TACC1: variants seen among roughly 807,000 people sequenced by gnomAD.
TACC1 encodes the protein transforming acidic coiled-coil containing protein 1.
TACC1 carries 48 observed loss-of-function variants against 84.4 expected under a neutral mutation model. The ratio of observed to expected loss-of-function variants is 0.57; its 90% CI spans 0.45 to 0.72. The LOEUF (loss-of-function observed/expected upper bound fraction) is 0.72. Among genes scored for constraint, TACC1 ranks in the 30% least tolerant of loss-of-function variants. The pLI, the probability that TACC1 is intolerant of heterozygous loss-of-function variation, is 0.00. For missense variants in TACC1, 920 were observed against 973.0 expected, an observed-to-expected ratio of 0.95 and a Z score of 0.72; for synonymous variants, 372 against 376.3, an observed-to-expected ratio of 0.99 and a Z score of 0.13.
At chr8:38,751,955 A>AT (rs35375409) in intron 3 of TACC1, among the ~76,000 whole-genome samples, 16 of 152,056 alleles carry the variant, frequency 1.1e-4, no homozygotes, top group African/African-American at 3.9e-4. Context: ...ACCCACTGTT[A>AT]TTTTTTTCCT....
At chr8:38,802,997 T>C (rs1456457052) in intron 2 of TACC1, among the ~76,000 whole-genome samples, 1 of 152,226 alleles carries the variant, frequency 6.6e-6, no homozygotes, top group East Asian at 1.9e-4. Flanking sequence ...CAACATCTTA[T>C]ATTTCTTTTG....
At chr8:38,798,420 G>A (rs1820496950) in intron 2 of TACC1, among the ~76,000 whole-genome samples, 1 of 152,110 alleles carries the variant, frequency 6.6e-6, no homozygotes, top group Non-Finnish European at 1.5e-5. Flanking sequence ...AGAGTCTTAG[G>A]TTTTAGGGGG....
intron 1 of TACC1, among the ~76,000 whole-genome samples, chr8:38,735,080 A>G (rs1231317884): frequency 6.6e-6 from 1 of 152,228 alleles, no homozygotes; most frequent in Admixed American, 6.5e-5. Context: ...GAATAGATGC[A>G]TCTTAGTTCA....
chr8:38,757,918 A>C (rs1810433742), intron 3 of TACC1, among the ~76,000 whole-genome samples: 1 of 152,178 alleles, frequency 6.6e-6, no homozygotes, highest in South Asian at 2.1e-4. Flanking sequence ...AAAAAAGGGC[A>C]GTATTGTAGC....
intron 2 of TACC1, chr8:38,805,674 CTTGGTTGGTTGGTTGG>C (rs796102893): frequency 6.6e-6 from 1 of 152,092 alleles, no homozygotes; most frequent in South Asian, 2.1e-4. Flanking sequence ...TGGTTGGTTG[CTTGGTTGGTTGGTTGG>C]TTGGTTGGTG....
chr8:38,744,064 T>A (rs76420667), intron 2 of TACC1: 1 of 152,042 alleles, frequency 6.6e-6, no homozygotes, highest in African/African-American at 2.4e-5. Context: ...TTGTCCACAG[T>A]CAGTTACAGA....
chr8:38,787,986 C>G, intron 1 of TACC1: 1 of 506,532 alleles, frequency 2.0e-6, no homozygotes, highest in South Asian at 2.8e-5. Flanking sequence ...GCAGTCTCTC[C>G]GCATCCCCGC....
chr8:38,739,802 G>A (rs57947571), intron 1 of TACC1, among the ~76,000 whole-genome samples: 14,027 of 152,230 alleles, frequency 0.092, 755 homozygotes, highest in Middle Eastern at 0.13. Context: ...ACACCTAGGG[G>A]AGGAGAAGGA....
At chr8:38,811,051 G>A (rs888876732) in intron 2 of TACC1, among the ~76,000 whole-genome samples, 2 of 152,114 alleles carry the variant, frequency 1.3e-5, no homozygotes, top group East Asian at 1.9e-4. Flanking sequence ...CCAGGAGGTC[G>A]AGATTGGAGT....
intron 3 of TACC1, among the ~76,000 whole-genome samples, chr8:38,755,479 G>T (rs1047198575): frequency 2.6e-5 from 4 of 152,012 alleles, no homozygotes; most frequent in African/African-American, 9.7e-5. Context: ...AAAGCAGGAG[G>T]ATCACTTGAG....
intron 11 of TACC1, chr8:38,846,439 T>TA (rs201097284): frequency 0.044 from 10,997 of 247,856 alleles, 201 homozygotes; most frequent in African/African-American, 0.11. Context: ...TGTACTGGTC[T>TA]AAAAAAAAAA....
Position 38,840,534 on chromosome 8 carries a change from C to T in TACC1, c.1960+267C>T, listed in dbSNP as rs941825140. 2.1e-4 allele frequency: 61 copies of T among 286,930 alleles called. 2 individuals are homozygous for T. Among genetic ancestry groups the T allele is most frequent in the Non-Finnish European group, 3.3e-5 (5 of 152,008 alleles). 17.8% of individuals were successfully genotyped at this position (286,930 alleles called of 1,614,324 possible). On this transcript the variant is annotated intron_variant, in intron 9 of 12. Coordinates refer to ENST00000317827, the MANE Select transcript of TACC1 (RefSeq NM_006283.3). ...TCACCTCCCAAATTCCCTTCCATGC[C>T]CACTTTCACCCTGAACATACTCACA...
intron 3 of TACC1, among the ~76,000 whole-genome samples, chr8:38,752,032 A>T (rs990148358): frequency 6.6e-6 from 1 of 152,164 alleles, no homozygotes; most frequent in Admixed American, 6.5e-5. Flanking sequence ...TATCCAACAA[A>T]TGTTAGTGCC....
intron 1 of TACC1, among the ~76,000 whole-genome samples, chr8:38,741,940 C>T (rs1409372305): frequency 6.6e-6 from 1 of 151,986 alleles, no homozygotes; most frequent in Non-Finnish European, 1.5e-5. Context: ...GTCCCTGGAC[C>T]ATTATATACA....
chr8:38,832,188 C>T (rs535702386), intron 6 of TACC1, among the ~76,000 whole-genome samples: 4 of 152,358 alleles, frequency 2.6e-5, no homozygotes, highest in African/African-American at 9.6e-5. Context: ...TCTGCCTTAT[C>T]AAAGTGGTTG....
At chr8:38,757,209 G>C in intron 3 of TACC1, 1 of 262,220 alleles carries the variant, frequency 3.8e-6, no homozygotes, top group Non-Finnish European at 7.5e-6. Context: ...ACGGCCGGGC[G>C]CCCCACCCCG....
In TACC1 at chr8:38,769,796, GTA is replaced by G. The variant is rs142286075; in HGVS notation, c.27-18904_27-18903del. ...TGTGTATGGGTTGGGGGTGTGGTGT[GTA>G]TATGACTGTGTGTGGTGTGTGTATG... is the stretch of plus-strand genomic sequence containing the variant. On this transcript the variant is annotated intron_variant, in intron 3 of 14. Coordinates refer to the TACC1 transcript ENST00000518415. Among the ~76,000 whole-genome samples, 789 of 149,460 alleles carry G rather than the reference GTA, an allele frequency of 5.3e-3. 32 individuals are homozygous for G. The East Asian group carries it at 0.11, about 22-fold the overall frequency.
chr8:38,832,520 G>GA (rs1389178323), intron 6 of TACC1, among the ~76,000 whole-genome samples: 2 of 152,136 alleles, frequency 1.3e-5, no homozygotes, highest in African/African-American at 2.4e-5. Flanking sequence ...AACATTGAAT[G>GA]AAAAAATCAT....
chr8:38,770,823 C>T (rs1813464979), intron 3 of TACC1, among the ~76,000 whole-genome samples: 1 of 151,978 alleles, frequency 6.6e-6, no homozygotes, highest in African/African-American at 2.4e-5. Flanking sequence ...TAAATGCGGC[C>T]CTTGATGGTG....
Sources: gnomAD v4.1 joint callset for allele counts (sites outside exome capture counted in the v4.1 genomes callset) on GRCh38, gnomAD v4.1.1 for gene constraint, MANE v1.5 for transcripts, NCBI Gene and HGNC (gene_info 2026-07-23, HGNC 2026-07-21) for gene names.